The following MAF variants were observed in gnomAD, a reference collection of about 807,000 sequenced individuals.
The protein encoded by MAF is MAF bZIP transcription factor.
Under a neutral mutation model 22.0 loss-of-function variants are expected in MAF, and 10 were observed. The observed-to-expected ratio is 0.45, with a 90% CI of 0.28 to 0.77. The LOEUF is 0.77. Among genes scored for constraint, MAF ranks in the 30% least tolerant of loss-of-function variants. The pLI, the probability that MAF is intolerant of heterozygous loss-of-function variation, is 0.12. For synonymous variants in MAF, 337 were observed against 255.8 expected, an observed-to-expected ratio of 1.32 and a Z score of -3.03; for missense variants, 544 against 548.4, an observed-to-expected ratio of 0.99 and a Z score of 0.08.
At chr16:79,217,920 A>G in the MAF span, among the ~76,000 whole-genome samples, 1 of 147,118 alleles carries the variant, frequency 6.8e-6, no homozygotes, top group African/African-American at 2.5e-5. Flanking sequence ...CTAGGCCAGA[A>G]AGACTTGGCT....
the MAF span, among the ~76,000 whole-genome samples, chr16:79,469,866 A>G: frequency 6.6e-6 from 1 of 152,140 alleles, no homozygotes; most frequent in Admixed American, 6.5e-5. Flanking sequence ...AAGTGCTGAG[A>G]TTACAGGCTT....
chr16:79,393,666 T>C, the MAF span, among the ~76,000 whole-genome samples: 1 of 152,154 alleles, frequency 6.6e-6, no homozygotes, highest in South Asian at 2.1e-4. Flanking sequence ...TCCAGAAAGG[T>C]GGTCCATGCA....
chr16:79,340,666 T>C, the MAF span, among the ~76,000 whole-genome samples: 1 of 151,862 alleles, frequency 6.6e-6, no homozygotes, highest in East Asian at 2.0e-4. Flanking sequence ...ACCTGGAAAG[T>C]GATAGGGAGA....
chr16:79,495,834 C>T, the MAF span, among the ~76,000 whole-genome samples: 121 of 152,236 alleles, frequency 7.9e-4, no homozygotes, highest in African/African-American at 2.8e-3. Flanking sequence ...ACCAGCCACA[C>T]GTCAAGCTTA....
chr16:79,246,905 C>A, the MAF span, among the ~76,000 whole-genome samples: 1 of 151,966 alleles, frequency 6.6e-6, no homozygotes, highest in Non-Finnish European at 1.5e-5. Flanking sequence ...TGACTCTGTG[C>A]CAGGTACTGT....
the MAF span, among the ~76,000 whole-genome samples, chr16:79,310,599 C>A: frequency 7.4e-4 from 113 of 152,306 alleles, no homozygotes; most frequent in African/African-American, 2.5e-3. Context: ...AACAAAGGCT[C>A]CTGTATCCGC....
the MAF span, among the ~76,000 whole-genome samples, chr16:79,261,871 G>A: frequency 0.023 from 3,474 of 152,264 alleles, 146 homozygotes; most frequent in African/African-American, 0.08. Context: ...GGAAGGGAGG[G>A]GCCAGAATGC....
chr16:79,596,290 A>G (rs1260613800), intron 1 of MAF: 1 of 1,059,620 alleles, frequency 9.4e-7, no homozygotes, highest in Non-Finnish European at 1.1e-6. Flanking sequence ...ATTTACATCT[A>G]TATTAAATAT....
chr16:79,486,767 A>G, the MAF span, among the ~76,000 whole-genome samples: 1 of 152,226 alleles, frequency 6.6e-6, no homozygotes, highest in Admixed American at 6.5e-5. Context: ...TGGAAGAATA[A>G]TTAACTATCC....
At chr16:79,482,153 C>T in the MAF span, among the ~76,000 whole-genome samples, 2 of 152,224 alleles carry the variant, frequency 1.3e-5, no homozygotes, top group Non-Finnish European at 2.9e-5. Context: ...CAACTGACTT[C>T]AGTTTTGAGC....
the MAF span, among the ~76,000 whole-genome samples, chr16:79,534,128 C>G: frequency 6.6e-6 from 1 of 152,224 alleles, no homozygotes. Context: ...CTAACATTGG[C>G]TATTCAGAAG....
At chr16:79,473,275 A>G in the MAF span, among the ~76,000 whole-genome samples, 1 of 152,100 alleles carries the variant, frequency 6.6e-6, no homozygotes, top group Non-Finnish European at 1.5e-5. Context: ...AAAAGGAATG[A>G]ATGGAGGAAC....
chr16:79,434,080 T>C, the MAF span, among the ~76,000 whole-genome samples: 7 of 152,306 alleles, frequency 4.6e-5, no homozygotes, highest in East Asian at 5.8e-4. Flanking sequence ...TAGAGTCAAA[T>C]AGGCTTTGAC....
At chr16:79,406,030 C>T in the MAF span, among the ~76,000 whole-genome samples, 1 of 152,204 alleles carries the variant, frequency 6.6e-6, no homozygotes, top group Non-Finnish European at 1.5e-5. Flanking sequence ...CAGCCAATGG[C>T]TGACTGGGGT....
At chr16:79,265,915 G>A in the MAF span, among the ~76,000 whole-genome samples, 1 of 152,212 alleles carries the variant, frequency 6.6e-6, no homozygotes, top group African/African-American at 2.4e-5. Flanking sequence ...GCTGCTAAGT[G>A]ACTCACAGGT....
chr16:79,269,494 C>A, the MAF span, among the ~76,000 whole-genome samples: 1 of 152,006 alleles, frequency 6.6e-6, no homozygotes, highest in Non-Finnish European at 1.5e-5. Context: ...AGCTCCCATC[C>A]CAAATGAGCC....
At chr16:79,472,588 T>G in the MAF span, among the ~76,000 whole-genome samples, 1 of 151,974 alleles carries the variant, frequency 6.6e-6, no homozygotes, top group Non-Finnish European at 1.5e-5. Context: ...AGACAGGAAG[T>G]AGATGAGTGG....
At chr16:79,323,880 A>C in the MAF span, among the ~76,000 whole-genome samples, 3 of 152,176 alleles carry the variant, frequency 2.0e-5, no homozygotes, top group Non-Finnish European at 2.9e-5. Flanking sequence ...ACAGCTACCG[A>C]ATTCCTCCCT....
the MAF span, among the ~76,000 whole-genome samples, chr16:79,568,299 T>C: frequency 6.6e-6 from 1 of 152,178 alleles, no homozygotes; most frequent in Non-Finnish European, 1.5e-5. Flanking sequence ...TTCCACTGGG[T>C]TCCTGTTGTA....
Sources: allele counts gnomAD v4.1 joint callset (sites outside exome capture counted in the v4.1 genomes callset), GRCh38; gene constraint gnomAD v4.1.1; transcripts MANE v1.5; gene names NCBI Gene and HGNC (gene_info 2026-07-23, HGNC 2026-07-21).